The following CCNJL variants were observed in gnomAD, a reference collection of about 807,000 sequenced individuals.
CCNJL encodes cyclin-J-like protein.
A neutral mutation model predicts 33.4 loss-of-function variants in CCNJL; 33 were observed. The observed-to-expected ratio is 0.99, with a 90% CI of 0.75 to 1.32. The LOEUF (loss-of-function observed/expected upper bound fraction) is 1.32, where lower values mean the gene tolerates loss of function less well. Among genes scored for constraint, CCNJL ranks in the 40% most tolerant of loss-of-function variants. CCNJL has a pLI of 0.00. For missense variants in CCNJL, 512 were observed against 499.7 expected (o/e 1.02, Z -0.23); for synonymous variants, 227 against 220.9 (o/e 1.03, Z -0.24).
chr5:160,311,608 C>T (rs1309464909), intron 2 of CCNJL, among the ~76,000 whole-genome samples: 1 of 152,164 alleles, frequency 6.6e-6, no homozygotes, highest in Non-Finnish European at 1.5e-5. Flanking sequence ...GGTACAGTGG[C>T]TGTCTCTGAC....
rs1438153479 is a variant in CCNJL at position 160,311,950 on chromosome 5, C to A, written c.-27G>T. ...GCGTACGCAGCGCCGCTATCCGAGG[C>A]TACCCGGCTCTCAGGGCGCACCCTG... On this transcript the variant is annotated 5_prime_UTR_variant, in exon 2 of 6. It removes the in-frame stop codon of an upstream open reading frame in the 5' UTR. Coordinates refer to ENST00000257536, the MANE Select transcript of CCNJL (RefSeq NM_001308173.3). The A allele has an allele frequency of 1.2e-6, 2 of 1,612,082 alleles. No homozygotes were observed. Among genetic ancestry groups the A allele is most frequent in the African/African-American group, 1.3e-5 (1 of 74,904 alleles).
In CCNJL at chr5:160,321,006, CTCTCTCTCTTTCTTTCTTTCTT is replaced by C. The variant is rs1299803747; in HGVS notation, n.207-5523_207-5502del. ...TCTCTCTTTCTTTCTTTCTCTCTCTCTCTCTCTCTTTCTTTCTTTCTTTCTTTCTTTCTTTCTTTCTTTCTTT... is the reference window on the plus strand; with the variant it reads ...TCTCTCTTTCTTTCTTTCTCTCTCTCTCTTTCTTTCTTTCTTTCTTTCTTT... On this transcript the variant is annotated intron_variant and non_coding_transcript_variant, in intron 1 of 7. Transcript: ENST00000377503. 9.0e-4 allele frequency among the ~76,000 whole-genome samples: 91 copies of C among 100,664 alleles called. 4 individuals carry two copies. Among genetic ancestry groups the C allele is most frequent in the African/African-American group, 4.0e-3 (68 of 16,796 alleles). 66.0% of individuals were successfully genotyped at this position (100,664 alleles called of 152,430 possible).
chr5:160,317,108 A>T (rs541058510), upstream of CCNJL, among the ~76,000 whole-genome samples: 4 of 152,188 alleles, frequency 2.6e-5, no homozygotes, highest in African/African-American at 9.7e-5. Context: ...TACCACTTTG[A>T]TCTTTAACCA....
At chr5:160,307,551 T>A (rs1763130538) in intron 2 of CCNJL, among the ~76,000 whole-genome samples, 1 of 152,142 alleles carries the variant, frequency 6.6e-6, no homozygotes, top group South Asian at 2.1e-4. Context: ...GGCCCCGAGT[T>A]TTAATCTGGA....
At chr5:160,292,477 C>T (rs181056252) in intron 2 of CCNJL, among the ~76,000 whole-genome samples, 89 of 152,008 alleles carry the variant, frequency 5.9e-4, no homozygotes, top group East Asian at 2.7e-3. Context: ...AAAAATTAGC[C>T]GGGCATGGTG....
chr5:160,335,973 C>T (rs1002565842), intron 1 of CCNJL, among the ~76,000 whole-genome samples: 4 of 152,134 alleles, frequency 2.6e-5, no homozygotes, highest in Non-Finnish European at 5.9e-5. Context: ...ACTTTTCAGT[C>T]CTCCTCATCG....
chr5:160,256,868 A>C (rs1761086517), intron 4 of CCNJL, among the ~76,000 whole-genome samples: 1 of 151,858 alleles, frequency 6.6e-6, no homozygotes, highest in Non-Finnish European at 1.5e-5. Context: ...CAGTGAGCTG[A>C]GATCGAGCCA....
chr5:160,320,684 C>T (rs1405399966), intron 1 of CCNJL, among the ~76,000 whole-genome samples: 5 of 152,172 alleles, frequency 3.3e-5, no homozygotes, highest in African/African-American at 9.7e-5. Flanking sequence ...CCACTATTGC[C>T]AGATTGTTTG....
At chr5:160,299,025 C>G (rs1278550640) in intron 2 of CCNJL, among the ~76,000 whole-genome samples, 14 of 152,108 alleles carry the variant, frequency 9.2e-5, no homozygotes, top group African/African-American at 2.9e-4. Context: ...GTCACCCAGG[C>G]TACAGTGTAG....
chr5:160,280,216 G>A (rs976679611), intron 3 of CCNJL, among the ~76,000 whole-genome samples: 10 of 152,144 alleles, frequency 6.6e-5, no homozygotes, highest in African/African-American at 2.2e-4. Context: ...TATACTACCC[G>A]GGCAGCCCAA....
chr5:160,311,831 G>C lies in CCNJL; in HGVS notation c.66+27C>G, dbSNP rs762962945. On this transcript the variant is annotated intron_variant, in intron 2 of 5. Transcript: ENST00000257536. ...CGAAGGAGACTGTACCCAGTCTTGA[G>C]AGTGACAAGGGCAGGGAGGGACTGA... The C allele has an allele frequency of 2.5e-6, 4 of 1,606,798 alleles. 1 individual carries two copies. The South Asian group carries it at 4.4e-5, about 18-fold the overall frequency.
At chr5:160,312,288 C>A (rs568406221) in intron 1 of CCNJL, 76 bp downstream of exon 1, 195 of 325,562 alleles carry the variant, frequency 6.0e-4, no homozygotes, top group African/African-American at 3.8e-3. Context: ...ACAGGCTCGC[C>A]GTCCCCAACT....
Position 160,280,749 on chromosome 5 carries a change from G to C in CCNJL, c.67-11C>G. ...GGGCAGCTTCAGTTCCTGGAGGACA[G>C]GCGGGGCGGAGGGGTGACGGTCAGG... On this transcript the variant is annotated splice_polypyrimidine_tract_variant and intron_variant, in intron 2 of 5. Coordinates refer to ENST00000257536, the MANE Select transcript of CCNJL (RefSeq NM_001308173.3). 1.3e-6 allele frequency: 2 copies of C among 1,575,662 alleles called. No individual in the cohort carries two copies. The highest frequency in any genetic ancestry group is 1.7e-6 in the Non-Finnish European group (2 of 1,158,166).
intron 3 of CCNJL, among the ~76,000 whole-genome samples, chr5:160,280,088 G>A (rs1762155129): frequency 1.3e-5 from 2 of 152,172 alleles, no homozygotes; most frequent in South Asian, 4.1e-4. Context: ...TATGAACAGT[G>A]GTTGCTAGGG....
chr5:160,325,800 A>C (rs1418175959), intron 1 of CCNJL, among the ~76,000 whole-genome samples: 1 of 152,166 alleles, frequency 6.6e-6, no homozygotes, highest in East Asian at 1.9e-4. Context: ...CCTCAAAGAC[A>C]GGTCAGCAAG....
intron 2 of CCNJL, among the ~76,000 whole-genome samples, chr5:160,310,976 G>A (rs72814308): frequency 0.087 from 13,288 of 152,186 alleles, 701 homozygotes; most frequent in South Asian, 0.2. Context: ...AAGCCCTCCA[G>A]TTTGTGTGGT....
intron 3 of CCNJL, among the ~76,000 whole-genome samples, chr5:160,266,320 T>A (rs1761585121): frequency 6.6e-6 from 1 of 152,396 alleles, no homozygotes; most frequent in African/African-American, 2.4e-5. Context: ...CCAGGCTCAA[T>A]AGAGACCTTT....
intron 1 of CCNJL, among the ~76,000 whole-genome samples, chr5:160,338,818 G>T (rs555240074): frequency 9.9e-5 from 15 of 151,562 alleles, no homozygotes; most frequent in Non-Finnish European, 1.6e-4. Flanking sequence ...TTGAGACTAA[G>T]TCTGGCTCTG....
chr5:160,283,267 C>A (rs1348145877), intron 2 of CCNJL, among the ~76,000 whole-genome samples: 1 of 151,588 alleles, frequency 6.6e-6, no homozygotes, highest in South Asian at 2.1e-4. Flanking sequence ...TTATATAATT[C>A]CATTTATATG....
Sources: gnomAD v4.1 joint callset for allele counts (sites outside exome capture counted in the v4.1 genomes callset) on GRCh38, gnomAD v4.1.1 for gene constraint, MANE v1.5 for transcripts, NCBI Gene and HGNC (gene_info 2026-07-23, HGNC 2026-07-21) for gene names.